Variants in CACNA2D3 observed in about 807,000 individuals in gnomAD.
CACNA2D3 encodes the protein calcium voltage-gated channel auxiliary subunit alpha2delta 3, also known as voltage-dependent calcium channel subunit alpha-2/delta-3.
In CACNA2D3, 60 loss-of-function variants were observed where a neutral mutation model predicts 160.6. The observed-to-expected ratio is 0.37, with a 90% CI of 0.30 to 0.46. The LOEUF (loss-of-function observed/expected upper bound fraction) is 0.46, where lower values mean the gene tolerates loss of function less well. Ranked by LOEUF, CACNA2D3 falls within the 20% of genes least tolerant of loss-of-function variation. The probability of loss-of-function intolerance (pLI) is 1.00; values close to 1 mark genes in which losing one functional copy is unlikely to be tolerated. For missense variants in CACNA2D3, 1,205 were observed against 1,365.0 expected (o/e 0.88, Z 1.85); for synonymous variants, 558 against 492.9 (o/e 1.13, Z -1.75).
intron 27 of CACNA2D3, among the ~76,000 whole-genome samples, chr3:54,921,700 A>G (rs1237165128): frequency 6.6e-6 from 1 of 152,114 alleles, no homozygotes; most frequent in Admixed American, 6.5e-5. Context: ...GGATGACCTT[A>G]GAGGCCACGT....
intron 11 of CACNA2D3, among the ~76,000 whole-genome samples, chr3:54,650,210 T>TTTGTTTGTTTGC (rs1381249697): frequency 1.3e-5 from 2 of 151,968 alleles, no homozygotes; most frequent in Non-Finnish European, 2.9e-5. Flanking sequence ...TTTTTGTTTG[T>TTTGTTTGTTTGC]TTGTTTGAGA....
chr3:54,510,724 AT>A (rs1010402969), intron 5 of CACNA2D3, among the ~76,000 whole-genome samples: 3 of 152,080 alleles, frequency 2.0e-5, no homozygotes, highest in African/African-American at 7.2e-5. Flanking sequence ...TAGAAAGGGC[AT>A]TTCACTCTTG....
At chr3:54,303,840 T>C (rs1703535365) in intron 2 of CACNA2D3, among the ~76,000 whole-genome samples, 1 of 126,852 alleles carries the variant, frequency 7.9e-6, no homozygotes, top group East Asian at 2.5e-4. Flanking sequence ...TTTTTTTTTC[T>C]ATTGCTTAGT....
intron 4 of CACNA2D3, among the ~76,000 whole-genome samples, chr3:54,428,437 G>T (rs1479556887): frequency 6.6e-6 from 1 of 152,146 alleles, no homozygotes; most frequent in East Asian, 1.9e-4. Context: ...AATTTAAGCT[G>T]CAGCCAGACA....
intron 4 of CACNA2D3, among the ~76,000 whole-genome samples, chr3:54,441,430 G>A (rs1199846158): frequency 6.6e-6 from 1 of 152,026 alleles, no homozygotes; most frequent in East Asian, 1.9e-4. Context: ...CTCCCATTCC[G>A]TAGGTTGCCT....
At chr3:54,329,243 T>C (rs1456668996) in intron 3 of CACNA2D3, among the ~76,000 whole-genome samples, 3 of 152,236 alleles carry the variant, frequency 2.0e-5, no homozygotes, top group African/African-American at 7.2e-5. Flanking sequence ...TTTCTTTTCT[T>C]GTCCCAACTT....
intron 2 of CACNA2D3, among the ~76,000 whole-genome samples, chr3:54,149,920 T>TCCCC (rs1230220200): frequency 1.3e-5 from 1 of 77,262 alleles, no homozygotes; most frequent in Admixed American, 1.2e-4. Context: ...TCTCTCTCTC[T>TCCCC]CTCTCTCTCT....
intron 11 of CACNA2D3, among the ~76,000 whole-genome samples, chr3:54,651,542 T>A (rs2106864684): frequency 6.6e-6 from 1 of 151,680 alleles, no homozygotes; most frequent in South Asian, 2.1e-4. Flanking sequence ...CAGCTCTTGG[T>A]TTGAGGGTAA....
intron 27 of CACNA2D3, among the ~76,000 whole-genome samples, chr3:54,940,554 C>T (rs916104050): frequency 1.3e-5 from 2 of 152,232 alleles, no homozygotes; most frequent in Non-Finnish European, 2.9e-5. Context: ...AAGCCCCCTC[C>T]CCTTGTCTTT....
rs576635977 is a variant in CACNA2D3, at chr3:54,610,610, ATCTTT to A, written c.964-17172_964-17168del. On this transcript the variant is annotated intron_variant, in intron 9 of 37. Coordinates refer to ENST00000474759, the MANE Select transcript of CACNA2D3 (RefSeq NM_018398.3). The stretch of plus-strand genomic sequence containing the variant: ...GAATTTTCCAGGACCCATGTTTTGG[ATCTTT>A]TCTTCTTTCCTTTTTTTTTCTTTTT... 2.6e-5 allele frequency among the ~76,000 whole-genome samples: 4 copies of A among 151,300 alleles called. No homozygotes were observed. The East Asian group carries it at 7.8e-4, about 29-fold the overall frequency.
At chr3:54,665,270 A>G (rs1559543413) in intron 11 of CACNA2D3, among the ~76,000 whole-genome samples, 1 of 152,214 alleles carries the variant, frequency 6.6e-6, no homozygotes, top group Non-Finnish European at 1.5e-5. Flanking sequence ...AAATCCTGAC[A>G]TACTTTGCTG....
intron 2 of CACNA2D3, among the ~76,000 whole-genome samples, chr3:54,221,610 A>T (rs905342289): frequency 6.6e-6 from 1 of 152,144 alleles, no homozygotes; most frequent in Non-Finnish European, 1.5e-5. Flanking sequence ...TTTACTAGAG[A>T]GATTTTTGTA....
At chr3:54,477,471 C>G (rs13066343) in intron 4 of CACNA2D3, among the ~76,000 whole-genome samples, 11,748 of 152,076 alleles carry the variant, frequency 0.077, 579 homozygotes, top group Middle Eastern at 0.13. Context: ...TTGTGTTTCC[C>G]CAAGAACAGC....
intron 4 of CACNA2D3, among the ~76,000 whole-genome samples, chr3:54,459,337 G>A (rs1700456356): frequency 1.4e-5 from 2 of 140,246 alleles, no homozygotes; most frequent in African/African-American, 5.3e-5. Flanking sequence ...GATCCCTGAG[G>A]AATTGCCACA....
chr3:54,504,544 G>A (rs1046751813), intron 5 of CACNA2D3, among the ~76,000 whole-genome samples: 3 of 152,106 alleles, frequency 2.0e-5, no homozygotes, highest in Non-Finnish European at 4.4e-5. Flanking sequence ...TATTGCTATC[G>A]AGTAGTAGTT....
At chr3:54,663,943 T>G (rs913661587) in intron 11 of CACNA2D3, among the ~76,000 whole-genome samples, 1 of 152,228 alleles carries the variant, frequency 6.6e-6, no homozygotes, top group Non-Finnish European at 1.5e-5. Context: ...AGCATTCCTT[T>G]CTGCGCTCGC....
intron 2 of CACNA2D3, among the ~76,000 whole-genome samples, chr3:54,312,660 T>A (rs1703767518): frequency 6.6e-6 from 1 of 152,224 alleles, no homozygotes; most frequent in Admixed American, 6.5e-5. Flanking sequence ...ATAATGCATT[T>A]CTGTGTCTTC....
intron 3 of CACNA2D3, among the ~76,000 whole-genome samples, chr3:54,337,474 T>G (rs912189108): frequency 3.9e-5 from 6 of 152,190 alleles, no homozygotes; most frequent in African/African-American, 1.4e-4. Flanking sequence ...TTAAAATGGA[T>G]GCACTTTTAA....
intron 4 of CACNA2D3, among the ~76,000 whole-genome samples, chr3:54,440,215 A>G (rs1302855849): frequency 6.6e-6 from 1 of 152,190 alleles, no homozygotes; most frequent in African/African-American, 2.4e-5. Context: ...TTAAAGGATT[A>G]GTATAAATGC....
Sources: gnomAD v4.1 joint callset for allele counts (sites outside exome capture counted in the v4.1 genomes callset) on GRCh38, gnomAD v4.1.1 for gene constraint, MANE v1.5 for transcripts, NCBI Gene and HGNC (gene_info 2026-07-23, HGNC 2026-07-21) for gene names.